KDM5B: variants seen among roughly 807,000 people sequenced by gnomAD.
The protein encoded by KDM5B is lysine demethylase 5B, also known as lysine-specific demethylase 5B.
KDM5B carries 144 observed loss-of-function variants against 193.4 expected under a neutral mutation model. The observed-to-expected ratio is 0.74, with a 90% confidence interval of 0.65 to 0.86. The LOEUF is 0.86. Ranked by LOEUF, KDM5B falls within the 40% of genes least tolerant of loss-of-function variation. The probability of loss-of-function intolerance (pLI) is 0.00; values close to 1 mark genes in which losing one functional copy is unlikely to be tolerated. For synonymous variants in KDM5B, 668 were observed against 682.6 expected, an observed-to-expected ratio of 0.98 and a Z score of 0.33; for missense variants, 1,833 against 1,886.9, an observed-to-expected ratio of 0.97 and a Z score of 0.53.
chr1:202,732,851 C>A (rs1572704571), intron 23 of KDM5B, among the ~76,000 whole-genome samples: 1 of 152,206 alleles, frequency 6.6e-6, no homozygotes, highest in African/African-American at 2.4e-5. Flanking sequence ...ACAGAAAACT[C>A]TGCCCATCCA....
chr1:202,735,372 G>A (rs1655051601), intron 22 of KDM5B, 57 bp downstream of exon 22: 5 of 1,536,394 alleles, frequency 3.3e-6, no homozygotes, highest in African/African-American at 1.4e-5. Context: ...AAACAGAAAG[G>A]GTTAGAAATT....
At chr1:202,785,214 T>TACC (rs1220903311) in intron 1 of KDM5B, among the ~76,000 whole-genome samples, 2 of 152,208 alleles carry the variant, frequency 1.3e-5, no homozygotes, top group Admixed American at 6.5e-5. Flanking sequence ...AAACCTTACT[T>TACC]ACCTTTAAGG....
At chr1:202,789,997 C>G (rs1461246631) in intron 1 of KDM5B, among the ~76,000 whole-genome samples, 1 of 151,298 alleles carries the variant, frequency 6.6e-6, no homozygotes, top group East Asian at 2.0e-4. Flanking sequence ...CCGAGGTGGG[C>G]AGATCACTTG....
intron 1 of KDM5B, among the ~76,000 whole-genome samples, chr1:202,795,840 A>C (rs189303945): frequency 6.6e-6 from 1 of 152,208 alleles, no homozygotes; most frequent in East Asian, 1.9e-4. Flanking sequence ...AATAAAATAT[A>C]GGGAGTAAAA....
chr1:202,786,193 G>T (rs1416697118), intron 1 of KDM5B, among the ~76,000 whole-genome samples: 487 of 11,168 alleles, frequency 0.044, 4 homozygotes, highest in African/African-American at 0.06. Context: ...ACGGGGGGTG[G>T]GGGGGGGGGT....
chr1:202,756,645 T>TTA, intron 9 of KDM5B, 129 bp from the exon 10 acceptor site: 1 of 606,850 alleles, frequency 1.6e-6, no homozygotes, highest in South Asian at 5.0e-5. Context: ...ATAATTGATC[T>TTA]TAGGCAATTC....
At chr1:202,765,465 G>A (rs1376006728) in intron 5 of KDM5B, among the ~76,000 whole-genome samples, 2 of 152,144 alleles carry the variant, frequency 1.3e-5, no homozygotes, top group Non-Finnish European at 2.9e-5. Flanking sequence ...TTTATTCCAT[G>A]GGCAATATCA....
At chr1:202,796,297 G>A in intron 1 of KDM5B, 1 of 416,150 alleles carries the variant, frequency 2.4e-6, no homozygotes, top group South Asian at 2.0e-5. Flanking sequence ...TCCCCGCTGT[G>A]CCACCTGGTT....
chr1:202,774,500 T>C, intron 3 of KDM5B, 113 bp downstream of exon 3: 1 of 923,340 alleles, frequency 1.1e-6, no homozygotes, highest in South Asian at 1.6e-5. Flanking sequence ...AGTGCTGAGA[T>C]TACAGGTGCG....
At chr1:202,797,986 T>C (rs774715801) in intron 1 of KDM5B, among the ~76,000 whole-genome samples, 4 of 151,778 alleles carry the variant, frequency 2.6e-5, no homozygotes, top group African/African-American at 4.8e-5. Flanking sequence ...AGCTCAGGAG[T>C]TCAAGACCAG....
At chr1:202,773,737 CTTTTT>C (rs35598184) in intron 3 of KDM5B, among the ~76,000 whole-genome samples, 2 of 140,736 alleles carry the variant, frequency 1.4e-5, no homozygotes, top group Middle Eastern at 3.6e-3. Context: ...GGCTCAGCTT[CTTTTT>C]TTTTTTTTTT....
rs144624171 is a variant in KDM5B at position 202,733,846 on chromosome 1, G to C, written c.3464C>G (p.Ala1155Gly). Reference sequence around the variant, plus strand: ...ATTGGCGAGTCTGAGAGACTGCAAGGCTTCCATTTCCCTTAGGCGAGCTTC... The same window carrying C: ...ATTGGCGAGTCTGAGAGACTGCAAGCCTTCCATTTCCCTTAGGCGAGCTTC... ...LGEARLREME[A>G]LQSLRLANEG... is the part of the protein sequence containing the mutation. Residue 1155 changes from alanine (A) to glycine (G), a missense_variant, in exon 23 of 27, where the codon GCC becomes GGC. This residue lies in a region of KDM5B where 1,379 missense variants were observed against 1,349.6 expected (regional missense o/e 1.02). Coordinates refer to ENST00000367265, the MANE Select transcript of KDM5B (RefSeq NM_006618.5). 21 of 1,613,538 alleles carry C rather than the reference G, an allele frequency of 1.3e-5. No individual in the cohort carries two copies. The highest frequency in any genetic ancestry group is 1.7e-5 in the Non-Finnish European group (20 of 1,179,788).
chr1:202,775,199 T>C (rs1435098746), intron 2 of KDM5B, among the ~76,000 whole-genome samples: 1 of 151,142 alleles, frequency 6.6e-6, no homozygotes, highest in Non-Finnish European at 1.5e-5. Context: ...ATCACACCAC[T>C]GTACTCCAGC....
In KDM5B at chr1:202,749,085, C is replaced by T; in HGVS notation, c.1876G>A (p.Val626Met). ...CAGATCATCTCATCGTGGGAAAACA[C>T]ACAATATCGATGAAGCAAGCGATAA... Reference protein sequence around the residue: ...EHYRLLHRYCVFSHDEMICKM... With the variant: ...EHYRLLHRYCMFSHDEMICKM... The change falls in exon 14 of 27, where the codon GTG (valine) becomes ATG (methionine). Residue 626 changes from valine to methionine, a missense_variant. Physicochemically the swap from Val to Met is conservative, Grantham distance 21. Transcript: ENST00000367265. 6.2e-7 allele frequency: 1 copy of T among 1,614,102 alleles called. No homozygotes were observed.
intron 12 of KDM5B, among the ~76,000 whole-genome samples, chr1:202,751,329 T>C (rs1486442845): frequency 1.3e-5 from 2 of 152,110 alleles, no homozygotes; most frequent in Non-Finnish European, 2.9e-5. Context: ...TCTACACCAA[T>C]GCTTACCTAG....
rs756582147 is a variant in KDM5B at position 202,736,340 on chromosome 1, C to G, written c.3137G>C (p.Gly1046Ala). The stretch of plus-strand genomic sequence containing the variant: ...ATTCAGATGTACGGGGATAGATCGG[C>G]CTCGTGTAACAAGTTCTATGAGTGT... The part of the protein sequence containing the change: ...LDTLIELVTR[G>A]RSIPVHLNSL... Residue 1046 changes from glycine to alanine, a missense_variant, in exon 21 of 27, where the codon GGC (glycine) becomes GCC (alanine). By Grantham distance (60) the Gly-to-Ala change is moderately conservative (BLOSUM62 0). Transcript: ENST00000367265. The G allele has an allele frequency of 6.2e-7, 1 of 1,611,716 alleles. No homozygotes were observed. The highest frequency in any genetic ancestry group is 1.7e-5 in the Admixed American group (1 of 59,604).
rs139498967 is a variant in KDM5B, at chr1:202,789,083, C to T, written c.205-11989G>A. 1.0e-3 allele frequency among the ~76,000 whole-genome samples: 153 copies of T among 152,214 alleles called. 1 individual carries two copies. The East Asian group carries it at 0.017, about 17-fold the overall frequency. ...AGGCCTCATTAGATCTGCAAACACA[C>T]GCCTGGAGATTCAACATCAGGGTCA... On this transcript the variant is annotated intron_variant, in intron 1 of 26. Coordinates refer to ENST00000367265, the MANE Select transcript of KDM5B (RefSeq NM_006618.5).
At chr1:202,797,321 C>T (rs1216678283) in intron 1 of KDM5B, among the ~76,000 whole-genome samples, 1 of 152,134 alleles carries the variant, frequency 6.6e-6, no homozygotes, top group Non-Finnish European at 1.5e-5. Flanking sequence ...ATTTCCTACC[C>T]TCCAAGTTCA....
chr1:202,740,526 G>A, intron 20 of KDM5B, 148 bp downstream of exon 20: 1 of 487,744 alleles, frequency 2.1e-6, no homozygotes, highest in African/African-American at 2.0e-5. Flanking sequence ...TCCCAGTAGG[G>A]GCGGCTGGGC....
Sources: gnomAD v4.1 joint callset for allele counts (sites outside exome capture counted in the v4.1 genomes callset) on GRCh38, gnomAD v4.1.1 for gene constraint, gnomAD v4.1.1 regional missense constraint, MANE v1.5 for transcripts, NCBI Gene and HGNC (gene_info 2026-07-23, HGNC 2026-07-21) for gene names.